Variants in DPH6 observed in about 807,000 individuals in gnomAD.
DPH6 encodes the protein diphthine--ammonia ligase.
DPH6 carries 33 observed loss-of-function variants against 38.2 expected under a neutral mutation model. That is an observed-to-expected ratio of 0.86 (90% CI 0.65 to 1.15). The LOEUF (loss-of-function observed/expected upper bound fraction) is 1.15, where lower values mean the gene tolerates loss of function less well. Ranked by LOEUF, DPH6 falls within the 50% of genes most tolerant of loss-of-function variation. The pLI is 0.00. For missense variants in DPH6, 325 were observed against 320.0 expected, an observed-to-expected ratio of 1.02 and a Z score of -0.12; for synonymous variants, 108 against 103.0, an observed-to-expected ratio of 1.05 and a Z score of -0.30.
At chr15:35,186,517 TACTC>T in the DPH6 span, among the ~76,000 whole-genome samples, 103 of 152,332 alleles carry the variant, frequency 6.8e-4, no homozygotes, top group African/African-American at 2.4e-3. Context: ...CGTTCACTGA[TACTC>T]ACAGCAGGAT....
the DPH6 span, among the ~76,000 whole-genome samples, chr15:35,201,007 T>C: frequency 1.5e-5 from 2 of 134,922 alleles, no homozygotes; most frequent in Non-Finnish European, 3.2e-5. Flanking sequence ...TTTTTTACCA[T>C]TTCTATCATT....
chr15:35,277,214 A>T (rs2051865169), intron 3 of DPH6, among the ~76,000 whole-genome samples: 2 of 152,070 alleles, frequency 1.3e-5, no homozygotes, highest in African/African-American at 4.8e-5. Flanking sequence ...TCTTGATTTG[A>T]TTCTCAGCTT....
chr15:35,159,289 T>C, the DPH6 span, among the ~76,000 whole-genome samples: 16 of 152,210 alleles, frequency 1.1e-4, 1 homozygote, highest in South Asian at 3.3e-3. Context: ...CCTCTGCTTG[T>C]GCAATGCATC....
At position 35,532,394 on chromosome 15, in the gene DPH6, T is replaced by C. The variant is rs1270022557; in HGVS notation, c.312+5880A>G. On this transcript the variant is annotated intron_variant, in intron 3 of 8. Coordinates refer to ENST00000256538, the MANE Select transcript of DPH6 (RefSeq NM_080650.4). ...CATAGTACAGATGAAAAACCAGTAG[T>C]GGTGAGAATGAAGTCAAGGGGTCAG... Among the ~76,000 whole-genome samples the C allele has an allele frequency of 2.0e-5, 3 of 152,168 alleles. No homozygotes were observed. In the East Asian group the frequency reaches 5.8e-4, roughly 29 times the overall value.
rs1277172991 is a variant in DPH6 at position 35,436,514 on chromosome 15, C to CAAAAAAAAA, written c.505+14170_505+14171insTTTTTTTTT. ...CAAAACAAAACAAAACAAAACAAAA[C>CAAAAAAAAA]AAAAAAGGTTCTCTCCCTGTTCGTC... On this transcript the variant is annotated intron_variant, in intron 5 of 8. Transcript: ENST00000256538. Among the ~76,000 whole-genome samples the CAAAAAAAAA allele has an allele frequency of 1.4e-3, 168 of 123,214 alleles. 6 individuals are homozygous for CAAAAAAAAA. Among genetic ancestry groups the CAAAAAAAAA allele is most frequent in the Non-Finnish European group, 2.0e-3 (125 of 62,486 alleles). The allele number at this position is 123,214 out of a possible 152,430, so 80.8% of individuals were successfully genotyped here.
intron 5 of DPH6, among the ~76,000 whole-genome samples, chr15:35,440,754 T>C (rs1318818364): frequency 7.9e-5 from 12 of 152,172 alleles, no homozygotes; most frequent in Admixed American, 7.8e-4. Context: ...CCACCAGGAA[T>C]ATGTGCCTTA....
At chr15:35,427,218 T>C (rs1469745064) in intron 5 of DPH6, among the ~76,000 whole-genome samples, 2 of 151,712 alleles carry the variant, frequency 1.3e-5, no homozygotes, top group African/African-American at 4.8e-5. Flanking sequence ...GAAACGACTA[T>C]TCCAAGGGCA....
At chr15:35,357,705 T>A (rs941095655) in intron 3 of DPH6, among the ~76,000 whole-genome samples, 16 of 152,228 alleles carry the variant, frequency 1.1e-4, no homozygotes, top group African/African-American at 3.6e-4. Context: ...ACCGAAGATA[T>A]GGCCCCAATC....
At position 35,542,425 on chromosome 15, in the gene DPH6, C is replaced by A; in HGVS notation, c.106G>T (p.Ala36Ser). The A allele has an allele frequency of 6.4e-7, 1 of 1,567,334 alleles. No individual in the cohort carries two copies. Among genetic ancestry groups the A allele is most frequent in the Non-Finnish European group, 8.7e-7 (1 of 1,144,276 alleles). Residue 36 changes from alanine (A) to serine (S), a missense_variant, in exon 2 of 9, where the codon GCT becomes TCT. By Grantham distance (99) the Ala-to-Ser change is moderately conservative. Coordinates refer to ENST00000256538, the MANE Select transcript of DPH6 (RefSeq NM_080650.4). ...GGCATGTACTTACCTTGGTTTTCAG[C>A]TGGTCTTAGATTTGCTAAAGCAACG... The part of the protein sequence containing the change: ...QIVALANLRP[A>S]ENQVGSDELD...
At position 35,436,478 on chromosome 15, in the gene DPH6, CAA is replaced by C. The variant is rs1555401685; in HGVS notation, c.505+14205_505+14206del. Among the ~76,000 whole-genome samples, 433 of 61,134 alleles carry C rather than the reference CAA, an allele frequency of 7.1e-3. 15 individuals are homozygous for C. The highest frequency in any genetic ancestry group is 0.021 in the African/African-American group (384 of 17,976). The allele number at this position is 61,134 out of a possible 152,430, so 40.1% of individuals were successfully genotyped here. A position where few individuals can be genotyped will look rare whatever the true frequency, so the allele number is the denominator to read the frequency against. The stretch of plus-strand genomic sequence containing the variant: ...GAGACTCCGTCTCAAACAAAACAAA[CAA>C]AAACAAAACAAAACAAAACAAAACA... On this transcript the variant is annotated intron_variant, in intron 5 of 8. Transcript: ENST00000256538.
At chr15:35,248,520 G>A (rs1009139002) in intron 3 of DPH6, among the ~76,000 whole-genome samples, 2 of 151,910 alleles carry the variant, frequency 1.3e-5, no homozygotes, top group African/African-American at 2.4e-5. Context: ...CTATTAGATC[G>A]TACCATTTTT....
chr15:35,436,329 G>A (rs1214001310), intron 5 of DPH6, among the ~76,000 whole-genome samples: 1 of 151,544 alleles, frequency 6.6e-6, no homozygotes, highest in East Asian at 1.9e-4. Context: ...AGCTGGGCGT[G>A]GTGGTGGGCG....
chr15:35,372,244 T>C, intron 8 of DPH6, 41 bp from the exon 9 acceptor site: 1 of 1,416,692 alleles, frequency 7.1e-7, no homozygotes, highest in Non-Finnish European at 9.4e-7. Flanking sequence ...AAATGCACCA[T>C]ATTTATTCAG....
intron 3 of DPH6, among the ~76,000 whole-genome samples, chr15:35,478,914 T>C (rs532938906): frequency 5.1e-4 from 77 of 152,148 alleles, no homozygotes; most frequent in Middle Eastern, 3.4e-3. Context: ...TTGCTTTAAC[T>C]ACAGAAGAAG....
At chr15:35,317,820 C>T (rs1404407894) in intron 3 of DPH6, among the ~76,000 whole-genome samples, 1 of 151,850 alleles carries the variant, frequency 6.6e-6, no homozygotes, top group Non-Finnish European at 1.5e-5. Context: ...CTAGCATTGT[C>T]CAAGAAATGT....
intron 5 of DPH6, among the ~76,000 whole-genome samples, chr15:35,430,781 AATT>A (rs1224307302): frequency 1.3e-5 from 2 of 152,184 alleles, no homozygotes; most frequent in Non-Finnish European, 2.9e-5. Context: ...CAGTTAAAAA[AATT>A]ATTATTTAGA....
chr15:35,183,162 C>T, the DPH6 span, among the ~76,000 whole-genome samples: 1 of 152,150 alleles, frequency 6.6e-6, no homozygotes, highest in Non-Finnish European at 1.5e-5. Flanking sequence ...TATCCTCTTT[C>T]ATGTGTTCTC....
chr15:35,485,126 A>T (rs1418460343), intron 3 of DPH6, among the ~76,000 whole-genome samples: 1 of 152,202 alleles, frequency 6.6e-6, no homozygotes, highest in Non-Finnish European at 1.5e-5. Context: ...CGATTATCCT[A>T]ATTTTAAAAA....
At chr15:35,418,721 G>A (rs1290180931) in intron 5 of DPH6, among the ~76,000 whole-genome samples, 5 of 152,004 alleles carry the variant, frequency 3.3e-5, no homozygotes, top group Non-Finnish European at 2.9e-5. Flanking sequence ...ACAATGTTAT[G>A]CTCCATTATT....
Sources: gnomAD v4.1 joint callset for allele counts (sites outside exome capture counted in the v4.1 genomes callset) on GRCh38, gnomAD v4.1.1 for gene constraint, MANE v1.5 for transcripts, NCBI Gene and HGNC (gene_info 2026-07-23, HGNC 2026-07-21) for gene names.